DST: variants seen among roughly 807,000 people sequenced by gnomAD.
The protein encoded by DST is dystonin.
A neutral mutation model predicts 875.2 loss-of-function variants in DST; 253 were observed. The observed-to-expected ratio is 0.29, with a 90% CI of 0.26 to 0.32. The LOEUF (loss-of-function observed/expected upper bound fraction) is 0.32, where lower values mean the gene tolerates loss of function less well. Among genes scored for constraint, DST ranks in the 10% least tolerant of loss-of-function variants. DST has a pLI of 1.00. For missense variants in DST, 8,287 were observed against 9,111.6 expected (o/e 0.91, Z 3.68); for synonymous variants, 3,124 against 3,197.1 (o/e 0.98, Z 0.77).
intron 5 of DST, among the ~76,000 whole-genome samples, chr6:56,712,776 G>A (rs1421656926): frequency 6.6e-6 from 1 of 151,914 alleles, no homozygotes; most frequent in East Asian, 1.9e-4. Flanking sequence ...TCATGCAAAG[G>A]TTATTTTAAA....
At chr6:56,641,343 T>TGA (rs2098899126) in intron 17 of DST, among the ~76,000 whole-genome samples, 1 of 152,154 alleles carries the variant, frequency 6.6e-6, no homozygotes, top group Non-Finnish European at 1.5e-5. Context: ...TCACAGCATT[T>TGA]TGGGAGGCTG....
At position 56,463,710 on chromosome 6, in the gene DST, G is replaced by A; in HGVS notation, c.22814C>T (p.Ala7605Val). ...TCGGAAAGCAGCCATACCCTGGCTGGCACCATCTGCTAAAATGAACTTCTC... is the reference window on the plus strand; with the variant it reads ...TCGGAAAGCAGCCATACCCTGGCTGACACCATCTGCTAAAATGAACTTCTC... ...LREKFILADGASQGMAAFRPR... is the reference protein window; with the variant it reads ...LREKFILADGVSQGMAAFRPR... Residue 7605 changes from alanine to valine, a missense_variant, in exon 101 of 104, where the codon GCC (alanine) becomes GTC (valine). Coordinates refer to ENST00000680361, the MANE Select transcript of DST (RefSeq NM_001374736.1). 1.2e-6 allele frequency: 2 copies of A among 1,613,990 alleles called. No homozygotes were observed. The highest frequency in any genetic ancestry group is 1.7e-6 in the Non-Finnish European group (2 of 1,179,896).
chr6:56,758,650 A>G (rs913940636), intron 4 of DST, among the ~76,000 whole-genome samples: 3 of 152,174 alleles, frequency 2.0e-5, no homozygotes, highest in Non-Finnish European at 4.4e-5. Context: ...CCTCACTCAC[A>G]TGGCTGGTGG....
intron 4 of DST, among the ~76,000 whole-genome samples, chr6:56,846,792 C>T (rs928265348): frequency 6.6e-6 from 1 of 151,830 alleles, no homozygotes; most frequent in African/African-American, 2.4e-5. Context: ...TTGCTTGAGC[C>T]CAGGAGTTCG....
chr6:56,734,897 T>C (rs533748609), intron 5 of DST, among the ~76,000 whole-genome samples: 73 of 152,192 alleles, frequency 4.8e-4, no homozygotes, highest in Non-Finnish European at 9.0e-4. Flanking sequence ...AAAAAAATCT[T>C]ACTAAGAAAT....
At chr6:56,784,420 A>G (rs943116854) in intron 4 of DST, among the ~76,000 whole-genome samples, 17 of 151,984 alleles carry the variant, frequency 1.1e-4, no homozygotes, top group African/African-American at 1.9e-4. Flanking sequence ...GGCTTTGTTC[A>G]TTTCTTTTTA....
chr6:56,851,739 G>A (rs1765371069), intron 3 of DST, 135 bp from the exon 4 acceptor site: 3 of 1,551,618 alleles, frequency 1.9e-6, no homozygotes, highest in South Asian at 1.2e-5. Context: ...CACCATCCTC[G>A]GAGCTGAGGG....
intron 85 of DST, among the ~76,000 whole-genome samples, chr6:56,490,890 C>A (rs1372951266): frequency 1.3e-5 from 2 of 151,894 alleles, no homozygotes; most frequent in Non-Finnish European, 2.9e-5. Flanking sequence ...AAAACAGTAG[C>A]AAATATTTAT....
intron 49 of DST, among the ~76,000 whole-genome samples, chr6:56,580,311 C>T (rs1050213229): frequency 6.6e-6 from 1 of 151,982 alleles, no homozygotes; most frequent in Non-Finnish European, 1.5e-5. Context: ...TTTTGGGAGG[C>T]CAACTTGGGA....
chr6:56,642,389 T>A, intron 16 of DST, 21 bp downstream of exon 16: 1 of 1,555,090 alleles, frequency 6.4e-7, no homozygotes, highest in Non-Finnish European at 8.9e-7. Flanking sequence ...ACAACCCCAA[T>A]GGCTCCTAAA....
chr6:56,595,167 C>A (rs1020861374), intron 47 of DST, among the ~76,000 whole-genome samples: 1 of 152,154 alleles, frequency 6.6e-6, no homozygotes, highest in Admixed American at 6.5e-5. Flanking sequence ...GCTCCCATTA[C>A]CCCAGAGCCC....
intron 10 of DST, among the ~76,000 whole-genome samples, chr6:56,669,093 A>C (rs2099086356): frequency 6.6e-6 from 1 of 152,052 alleles, no homozygotes; most frequent in Admixed American, 6.6e-5. Flanking sequence ...TGAATGAGAG[A>C]ACACGAGTAT....
Position 56,529,933 on chromosome 6 carries a change from A to G in DST, c.17268+41T>C, listed in dbSNP as rs776271948. On this transcript the variant is annotated intron_variant, in intron 65 of 103. Transcript: ENST00000680361. ...TCAAATTTATGTCACAAAACCACAC[A>G]ATAAAAACTGAACCTCGCTAATGTG... The G allele has an allele frequency of 2.6e-5, 42 of 1,606,306 alleles. No homozygotes were observed. In the East Asian group the frequency reaches 8.9e-4, roughly 34 times the overall value.
chr6:56,800,716 A>T (rs1000774630), intron 4 of DST, among the ~76,000 whole-genome samples: 4 of 152,000 alleles, frequency 2.6e-5, no homozygotes, highest in Non-Finnish European at 5.9e-5. Flanking sequence ...AAAAACAAAA[A>T]AAATAAAAAC....
At position 56,607,826 on chromosome 6, in the gene DST, C is replaced by T. The variant is rs775129879; in HGVS notation, c.6802G>A (p.Glu2268Lys). Residue 2268 changes from glutamate to lysine, a missense_variant, in exon 40 of 104, where the codon GAA (glutamate) becomes AAA (lysine). Physicochemically the swap from Glu to Lys is moderately conservative, Grantham distance 56. Around this residue, in one of 10 missense-constraint regions of DST, gnomAD observed 3,138 missense variants for 3,116.6 expected, o/e 1.01. Transcript: ENST00000680361. Reference protein sequence around the residue: ...GVFLNNASGREKDECTATPSS... With the variant: ...GVFLNNASGRKKDECTATPSS... Reference sequence around the variant, plus strand: ...GGTGTAGCTGTACATTCATCCTTTTCTCTACCTGAAGCATTATTAAGAAAT... The same window carrying T: ...GGTGTAGCTGTACATTCATCCTTTTTTCTACCTGAAGCATTATTAAGAAAT... The T allele has an allele frequency of 1.2e-6, 2 of 1,613,494 alleles. No homozygotes were observed. Among genetic ancestry groups the T allele is most frequent in the South Asian group, 2.2e-5 (2 of 91,086 alleles).
At position 56,607,940 on chromosome 6, in the gene DST, C is replaced by G; in HGVS notation, c.6688G>C (p.Val2230Leu). The G allele has an allele frequency of 6.2e-7, 1 of 1,613,678 alleles. No homozygotes were observed. Among genetic ancestry groups the G allele is most frequent in the Non-Finnish European group, 8.5e-7 (1 of 1,179,744 alleles). ...LLYDGDLDEAVGMLLEGCHAE... is the reference protein window; with the variant it reads ...LLYDGDLDEALGMLLEGCHAE... ...TGACAGCCTTCCAGTAGCATGCCAA[C>G]AGCCTCATCCAAGTCTCCATCGTAC... is the stretch of plus-strand genomic sequence containing the variant. The change falls in exon 40 of 104, where the codon GTT becomes CTT. Residue 2230 changes from valine to leucine, a missense_variant. By Grantham distance (32) the Val-to-Leu change is conservative (BLOSUM62 1). Coordinates refer to ENST00000680361, the MANE Select transcript of DST (RefSeq NM_001374736.1).
At chr6:56,672,551 A>G (rs750968200) in intron 9 of DST, among the ~76,000 whole-genome samples, 28 of 152,160 alleles carry the variant, frequency 1.8e-4, no homozygotes, top group Non-Finnish European at 2.9e-4. Flanking sequence ...CCAAGTTCCA[A>G]TGATATTCTG....
intron 102 of DST, among the ~76,000 whole-genome samples, chr6:56,462,690 G>A (rs1191221372): frequency 3.3e-5 from 5 of 151,892 alleles, no homozygotes; most frequent in African/African-American, 1.2e-4. Context: ...ATTATATCTA[G>A]TATATTTAGT....
chr6:56,680,727 C>T lies in DST; in HGVS notation c.1048-9920G>A, dbSNP rs144977151. ...GGCATAGGCCTCAGGCCTCTTTCCT[C>T]CACTCTCCTCACTCTCCCTGGATCA... is the stretch of plus-strand genomic sequence containing the variant. On this transcript the variant is annotated intron_variant, in intron 9 of 103. Transcript: ENST00000680361. Among the ~76,000 whole-genome samples the T allele has an allele frequency of 5.8e-3, 881 of 152,266 alleles. 4 individuals carry two copies. Among genetic ancestry groups the T allele is most frequent in the African/African-American group, 0.02 (841 of 41,546 alleles).
Sources: allele counts gnomAD v4.1 joint callset (sites outside exome capture counted in the v4.1 genomes callset), GRCh38; gene constraint gnomAD v4.1.1; regional missense constraint gnomAD v4.1.1; transcripts MANE v1.5; gene names NCBI Gene and HGNC (gene_info 2026-07-23, HGNC 2026-07-21).